The following CEP192 variants were observed in gnomAD, a reference collection of about 807,000 sequenced individuals.
CEP192 encodes centrosomal protein of 192 kDa.
A neutral mutation model predicts 271.8 loss-of-function variants in CEP192; 151 were observed. The ratio of observed to expected loss-of-function variants is 0.56; its 90% CI spans 0.49 to 0.64. The LOEUF (loss-of-function observed/expected upper bound fraction) is 0.64. Among genes scored for constraint, CEP192 ranks in the 30% least tolerant of loss-of-function variants. The pLI, the probability that CEP192 is intolerant of heterozygous loss-of-function variation, is 0.00. For synonymous variants in CEP192, 995 were observed against 1,076.5 expected, an observed-to-expected ratio of 0.92 and a Z score of 1.48; for missense variants, 2,910 against 3,020.5, an observed-to-expected ratio of 0.96 and a Z score of 0.86.
At chr18:13,104,050 T>C (rs1156735432) in intron 39 of CEP192, 24 of 336,864 alleles carry the variant, frequency 7.1e-5, no homozygotes, top group Admixed American at 1.7e-4. Flanking sequence ...GAGGATGATA[T>C]ATGCCTAGTC....
chr18:13,019,365 G>T (rs534489071), intron 9 of CEP192, among the ~76,000 whole-genome samples, 159 bp downstream of exon 9: 2 of 152,212 alleles, frequency 1.3e-5, no homozygotes, highest in Non-Finnish European at 1.5e-5. Flanking sequence ...ATGTTTATAA[G>T]TATCATACAA....
chr18:13,004,128 G>A (rs2033831844), intron 3 of CEP192, among the ~76,000 whole-genome samples: 1 of 152,176 alleles, frequency 6.6e-6, no homozygotes, highest in South Asian at 2.1e-4. Context: ...ACCCCAATAA[G>A]TAGTTTGGTG....
chr18:13,055,086 T>A (rs1328219026), intron 18 of CEP192, among the ~76,000 whole-genome samples: 1 of 152,120 alleles, frequency 6.6e-6, no homozygotes, highest in African/African-American at 2.4e-5. Flanking sequence ...AAGACCAGCC[T>A]GGCCAACATG....
chr18:13,009,895 G>A (rs1301281661), intron 4 of CEP192, among the ~76,000 whole-genome samples: 1 of 152,180 alleles, frequency 6.6e-6, no homozygotes. Context: ...GGGGGGTCAG[G>A]CACTGTGGCT....
At chr18:13,086,952 T>C in intron 30 of CEP192, 65 bp from the exon 31 acceptor site, 3 of 1,138,352 alleles carry the variant, frequency 2.6e-6, no homozygotes, top group Non-Finnish European at 3.8e-6. Context: ...TTCTTCTCAC[T>C]GTAATTCAGT....
chr18:13,120,045 T>C lies in CEP192; in HGVS notation c.7475+2402T>C, dbSNP rs532673855. ...CATTTCAAATTCTTTTTTGATGTTA[T>C]ATTCTTTGCTTAATTTGCCTTCACA... On this transcript the variant is annotated intron_variant, in intron 44 of 44. Transcript: ENST00000506447. Among the ~76,000 whole-genome samples the C allele has an allele frequency of 4.6e-5, 7 of 152,364 alleles. No individual in the cohort carries two copies. The East Asian group carries it at 7.7e-4, about 17-fold the overall frequency.
chr18:12,999,479 T>G lies in CEP192; in HGVS notation c.55T>G (p.Ser19Ala), dbSNP rs1161836020. The change falls in exon 2 of 45, where the codon TCA (serine) becomes GCA (alanine). Residue 19 changes from serine (S) to alanine (A), a missense_variant. Ser to Ala is a moderately conservative substitution (Grantham distance 99). Coordinates refer to ENST00000506447, the MANE Select transcript of CEP192 (RefSeq NM_032142.4). ...ATCATTTCCAAGCTTTCTCACCAATTCATTATTTGGTAACAGTGGGATTTT... is the reference window on the plus strand; with the variant it reads ...ATCATTTCCAAGCTTTCTCACCAATGCATTATTTGGTAACAGTGGGATTTT... ...EESFPSFLTN[S>A]LFGNSGILEN... 1.3e-6 allele frequency: 2 copies of G among 1,550,074 alleles called. No homozygotes were observed. The highest frequency in any genetic ancestry group is 8.7e-7 in the Non-Finnish European group (1 of 1,146,476).
In CEP192 at chr18:13,056,198, A is replaced by G. The variant is rs2037088969; in HGVS notation, c.3608A>G (p.Asp1203Gly). The G allele has an allele frequency of 3.7e-6, 6 of 1,613,972 alleles. No individual in the cohort carries two copies. Among genetic ancestry groups the G allele is most frequent in the African/African-American group, 1.3e-5 (1 of 74,948 alleles). ...GAAGATCAAAGAATAAGTCCTAAAG[A>G]TAAGTCAACTGCTGGCCGTGAGTTC... ...IDEDQRISPK[D>G]KSTAGREFSG... The change falls in exon 19 of 45, where the codon GAT becomes GGT. Residue 1203 changes from aspartate (D) to glycine (G), a missense_variant. Physicochemically the swap from Asp to Gly is moderately conservative, Grantham distance 94. Coordinates refer to ENST00000506447, the MANE Select transcript of CEP192 (RefSeq NM_032142.4).
chr18:13,053,116 T>C, intron 18 of CEP192, 26 bp downstream of exon 18: 7 of 1,566,966 alleles, frequency 4.5e-6, no homozygotes, highest in Non-Finnish European at 6.1e-6. Context: ...GATTATTTAT[T>C]ACTAAGGCTT....
At chr18:13,001,013 A>T (rs2033610337) in intron 2 of CEP192, among the ~76,000 whole-genome samples, 1 of 152,204 alleles carries the variant, frequency 6.6e-6, no homozygotes, top group African/African-American at 2.4e-5. Context: ...TTTCTGTTTT[A>T]TTACCAGATT....
intron 32 of CEP192, among the ~76,000 whole-genome samples, chr18:13,088,388 C>T (rs2038992415): frequency 1.3e-5 from 2 of 152,154 alleles, no homozygotes; most frequent in Non-Finnish European, 2.9e-5. Flanking sequence ...TTCAAGGCTG[C>T]AGTGAGCTAT....
chr18:13,099,464 T>A lies in CEP192; in HGVS notation c.6558-12T>A, dbSNP rs891293045. On this transcript the variant is annotated splice_polypyrimidine_tract_variant and intron_variant, in intron 36 of 44. Coordinates refer to ENST00000506447, the MANE Select transcript of CEP192 (RefSeq NM_032142.4). ...AGGCTCTTTTTAATTTTCTTATTAA[T>A]TTTTTTTAAAGGAGTAAACTACAAA... 5 of 1,335,702 alleles carry A rather than the reference T, an allele frequency of 3.7e-6. No individual in the cohort carries two copies. The highest frequency in any genetic ancestry group is 5.2e-6 in the Non-Finnish European group (5 of 953,238). 82.7% of individuals were successfully genotyped at this position (1,335,702 alleles called of 1,614,324 possible).
In CEP192 at chr18:13,114,212, G is replaced by A. The variant is rs748475946; in HGVS notation, c.7250G>A (p.Arg2417Gln). 18 of 1,613,706 alleles carry A rather than the reference G, an allele frequency of 1.1e-5. No individual in the cohort carries two copies. The highest frequency in any genetic ancestry group is 1.2e-5 in the Non-Finnish European group (14 of 1,179,962). Residue 2417 changes from arginine to glutamine, a missense_variant, in exon 42 of 45, where the codon CGA becomes CAA. Transcript: ENST00000506447. The stretch of plus-strand genomic sequence containing the variant: ...AAAATAGATCATTTAGTTAAGCCCC[G>A]AAGACAAGCTGTGTCAGAGGCTTCT... ...LIKIDHLVKP[R>Q]RQAVSEASAR... is the part of the protein sequence containing the mutation.
intron 30 of CEP192, among the ~76,000 whole-genome samples, chr18:13,074,236 T>G (rs769191225): frequency 3.9e-5 from 6 of 152,232 alleles, no homozygotes; most frequent in Non-Finnish European, 8.8e-5. Flanking sequence ...AAATACAGCT[T>G]TGACGCTGGA....
At position 13,069,750 on chromosome 18, in the gene CEP192, G is replaced by C; in HGVS notation, c.5068G>C (p.Gly1690Arg). The C allele has an allele frequency of 6.4e-7, 1 of 1,571,724 alleles. No homozygotes were observed. Among genetic ancestry groups the C allele is most frequent in the Non-Finnish European group, 8.7e-7 (1 of 1,144,294 alleles). ...TAACTATATTTAGGTCCCAGAACAA[G>C]GAAGTCACTTTTCAGTGGATCCAAA... is the stretch of plus-strand genomic sequence containing the variant. The part of the protein sequence containing the change: ...VYLDIKVPEQ[G>R]SHFSVDPKNL... Residue 1690 changes from glycine (G) to arginine (R), a missense_variant, in exon 27 of 45, where the codon GGA becomes CGA. Coordinates refer to ENST00000506447, the MANE Select transcript of CEP192 (RefSeq NM_032142.4).
In CEP192 at chr18:13,068,872, G is replaced by T. The variant is rs376330024; in HGVS notation, c.4843G>T (p.Glu1615Ter). 2.5e-5 allele frequency: 41 copies of T among 1,614,054 alleles called. No homozygotes were observed. The highest frequency in any genetic ancestry group is 5.1e-6 in the Non-Finnish European group (6 of 1,180,044). ...TTTAGATATTCTGGACTCAGCAGAA[G>T]AATTCTCGGCAAAAGTTGATATCGA... ...SSSDILDSAE[E>*]FSAKVDIEVD... Residue 1615 changes from glutamate to a stop codon, truncating the protein, a stop_gained, in exon 25 of 45, where the codon GAA becomes TAA. Coordinates refer to ENST00000506447, the MANE Select transcript of CEP192 (RefSeq NM_032142.4). LOFTEE classifies it high-confidence loss of function.
intron 44 of CEP192, 138 bp from the exon 45 acceptor site, chr18:13,124,494 G>T (rs2040815162): frequency 1.4e-6 from 1 of 700,488 alleles, no homozygotes; most frequent in South Asian, 4.4e-5. Context: ...TAGCATCCAA[G>T]AAATCATAAA....
chr18:13,061,815 T>A (rs1368794181), intron 21 of CEP192, among the ~76,000 whole-genome samples: 1 of 152,208 alleles, frequency 6.6e-6, no homozygotes, highest in Non-Finnish European at 1.5e-5. Context: ...CTCTACCCAC[T>A]GGGTGTCAGT....
chr18:12,991,447 G>C lies in CEP192; in HGVS notation c.-5+10G>C, dbSNP rs569601864. The C allele has an allele frequency of 6.5e-6, 1 of 152,982 alleles. No individual in the cohort carries two copies. The highest frequency in any genetic ancestry group is 1.5e-5 in the Non-Finnish European group (1 of 68,668). The allele number at this position is 152,982 out of a possible 1,614,324, so 9.5% of individuals were successfully genotyped here. ...CGGGGACGCGGGCTCGGTGAGGGGGGACGCTGGTGCCTCGGCCTGCGCCTA... is the reference window on the plus strand; with the variant it reads ...CGGGGACGCGGGCTCGGTGAGGGGGCACGCTGGTGCCTCGGCCTGCGCCTA... On this transcript the variant is annotated intron_variant, in intron 1 of 44. Transcript: ENST00000506447.
Sources: allele counts gnomAD v4.1 joint callset (sites outside exome capture counted in the v4.1 genomes callset), GRCh38; gene constraint gnomAD v4.1.1; transcripts MANE v1.5; gene names NCBI Gene and HGNC (gene_info 2026-07-23, HGNC 2026-07-21).